GPATCH2: variants seen among roughly 807,000 people sequenced by gnomAD.
GPATCH2 encodes the protein G-patch domain containing 2.
A neutral mutation model predicts 58.0 loss-of-function variants in GPATCH2; 51 were observed. The ratio of observed to expected loss-of-function variants is 0.88; its 90% CI spans 0.70 to 1.11. The LOEUF (loss-of-function observed/expected upper bound fraction) is 1.11, where lower values mean the gene tolerates loss of function less well. Ranked by LOEUF, GPATCH2 falls within the 50% of genes most tolerant of loss-of-function variation. The pLI is 0.00. For missense variants in GPATCH2, 625 were observed against 652.2 expected, an observed-to-expected ratio of 0.96 and a Z score of 0.45; for synonymous variants, 222 against 218.5, an observed-to-expected ratio of 1.02 and a Z score of -0.14.
chr1:217,491,508 A>G (rs1013119969), intron 8 of GPATCH2, 172 bp downstream of exon 8: 1 of 324,086 alleles, frequency 3.1e-6, no homozygotes, highest in African/African-American at 2.2e-5. Flanking sequence ...TATAAATAAA[A>G]TATCTTTTTA....
chr1:217,501,348 G>A (rs542254338), intron 6 of GPATCH2, among the ~76,000 whole-genome samples: 2 of 152,042 alleles, frequency 1.3e-5, no homozygotes, highest in Non-Finnish European at 2.9e-5. Context: ...TTCACCTATC[G>A]GAAGACTTCT....
chr1:217,471,921 A>G lies in GPATCH2; in HGVS notation c.1277+19759T>C, dbSNP rs529540718. ...GTGAAAGTAAATTAAAGATGTTTCT[A>G]AAAGACACTTTAAAAAATTAAGTAC... is the stretch of plus-strand genomic sequence containing the variant. On this transcript the variant is annotated intron_variant, in intron 8 of 9. Transcript: ENST00000366935. Among the ~76,000 whole-genome samples, 32 of 152,342 alleles carry G rather than the reference A, an allele frequency of 2.1e-4. 1 individual carries two copies. In the South Asian group the frequency reaches 5.8e-3, roughly 28 times the overall value.
intron 5 of GPATCH2, chr1:217,608,369 T>C (rs527637908): frequency 2.0e-6 from 2 of 985,142 alleles, no homozygotes; most frequent in Non-Finnish European, 2.4e-6. Flanking sequence ...ACTAGTTCCA[T>C]GATAAACACA....
At chr1:217,629,663 A>G (rs749263410) in intron 1 of GPATCH2, among the ~76,000 whole-genome samples, 2 of 152,212 alleles carry the variant, frequency 1.3e-5, no homozygotes, top group East Asian at 1.9e-4. Flanking sequence ...TGGTGTTTAC[A>G]TAAGTATATG....
chr1:217,522,075 TG>T (rs1288013344), intron 5 of GPATCH2, among the ~76,000 whole-genome samples: 2 of 152,246 alleles, frequency 1.3e-5, no homozygotes, highest in African/African-American at 2.4e-5. Flanking sequence ...TATAGTTGTA[TG>T]TATGACATTA....
intron 5 of GPATCH2, among the ~76,000 whole-genome samples, chr1:217,532,886 G>GT (rs57815648): frequency 3.1e-4 from 41 of 130,254 alleles, no homozygotes; most frequent in South Asian, 2.7e-3. Context: ...TCTTTTTTTT[G>GT]TTTTTTTTTT....
chr1:217,487,435 T>A (rs1661505483), intron 8 of GPATCH2, among the ~76,000 whole-genome samples: 1 of 151,672 alleles, frequency 6.6e-6, no homozygotes, highest in African/African-American at 2.4e-5. Flanking sequence ...CTTTTTTTTT[T>A]TTTTTTTGAG....
At chr1:217,590,482 CA>C (rs1667540852) in intron 5 of GPATCH2, among the ~76,000 whole-genome samples, 1 of 152,180 alleles carries the variant, frequency 6.6e-6, no homozygotes, top group African/African-American at 2.4e-5. Flanking sequence ...TAAGTACCTG[CA>C]ACATGCAATG....
At chr1:217,457,775 T>G (rs181969391) in intron 8 of GPATCH2, among the ~76,000 whole-genome samples, 10 of 152,330 alleles carry the variant, frequency 6.6e-5, no homozygotes. Flanking sequence ...CTGCTTGCTT[T>G]AAATGTGTCA....
chr1:217,498,440 G>A (rs1469579075), intron 6 of GPATCH2, 45 bp from the exon 7 acceptor site: 4 of 1,450,554 alleles, frequency 2.8e-6, no homozygotes, highest in Non-Finnish European at 1.9e-6. Context: ...CTAACTAAAA[G>A]CACGTGCTCT....
intron 8 of GPATCH2, chr1:217,491,433 T>A (rs1168347201): frequency 1.7e-5 from 3 of 179,590 alleles, no homozygotes; most frequent in Non-Finnish European, 3.4e-5. Context: ...TGATCTAAAA[T>A]TCAGTAATTA....
intron 8 of GPATCH2, among the ~76,000 whole-genome samples, chr1:217,487,206 T>C (rs969226306): frequency 1.6e-4 from 24 of 152,190 alleles, no homozygotes; most frequent in African/African-American, 5.3e-4. Flanking sequence ...GTTTCCTATG[T>C]ATTTTCTCTT....
At chr1:217,621,027 C>T (rs1201666681) in intron 1 of GPATCH2, among the ~76,000 whole-genome samples, 2 of 152,198 alleles carry the variant, frequency 1.3e-5, no homozygotes, top group African/African-American at 4.8e-5. Context: ...GTTTAACCAA[C>T]ACCATGCATT....
chr1:217,484,556 T>TTATATA (rs60742327), intron 8 of GPATCH2, among the ~76,000 whole-genome samples: 9,002 of 143,036 alleles, frequency 0.063, 284 homozygotes, highest in Non-Finnish European at 0.068. Context: ...ATATAATTAT[T>TTATATA]TATATATATA....
intron 5 of GPATCH2, among the ~76,000 whole-genome samples, chr1:217,606,314 T>C (rs1483621305): frequency 6.6e-6 from 1 of 151,630 alleles, no homozygotes; most frequent in Non-Finnish European, 1.5e-5. Context: ...TTTAGTGGAG[T>C]GGCTGTCAAC....
rs139905053 is a variant in GPATCH2 at position 217,577,793 on chromosome 1, G to T, written c.1098+32528C>A. On this transcript the variant is annotated intron_variant, in intron 5 of 9. Coordinates refer to ENST00000366935, the MANE Select transcript of GPATCH2 (RefSeq NM_018040.5). The stretch of plus-strand genomic sequence containing the variant: ...ATGGAATTTTGCTCCTGTTGCCCAG[G>T]CTGGAGTGCAATGGTGCGATCTCAG... Among the ~76,000 whole-genome samples the T allele has an allele frequency of 6.6e-3, 1,005 of 152,038 alleles. 16 individuals carry two copies. Among genetic ancestry groups the T allele is most frequent in the Non-Finnish European group, 7.6e-3 (519 of 67,978 alleles).
At chr1:217,595,160 T>A (rs1228978320) in intron 5 of GPATCH2, among the ~76,000 whole-genome samples, 3 of 152,180 alleles carry the variant, frequency 2.0e-5, no homozygotes, top group Admixed American at 6.6e-5. Context: ...AAGGAACAGG[T>A]CTGATATTAG....
At chr1:217,503,841 C>T (rs576214164) in intron 6 of GPATCH2, among the ~76,000 whole-genome samples, 3 of 152,236 alleles carry the variant, frequency 2.0e-5, no homozygotes, top group South Asian at 2.1e-4. Context: ...TTCCATCCAA[C>T]TGTTGGTCAA....
chr1:217,578,507 A>G (rs1164273217), intron 5 of GPATCH2, among the ~76,000 whole-genome samples: 1 of 152,192 alleles, frequency 6.6e-6, no homozygotes, highest in Admixed American at 6.5e-5. Context: ...CCACCTCGGT[A>G]TCCTAAAGAG....
Sources: allele counts gnomAD v4.1 joint callset (sites outside exome capture counted in the v4.1 genomes callset), GRCh38; gene constraint gnomAD v4.1.1; transcripts MANE v1.5; gene names NCBI Gene and HGNC (gene_info 2026-07-23, HGNC 2026-07-21).